The following ETV6 variants were observed in gnomAD, a reference collection of about 807,000 sequenced individuals.
The protein encoded by ETV6 is ETS variant transcription factor 6, also known as transcription factor ETV6.
Under a neutral mutation model 51.1 loss-of-function variants are expected in ETV6, and 16 were observed. That is an observed-to-expected ratio of 0.31 (90% CI 0.21 to 0.48). ETV6 has a LOEUF of 0.48. Among genes scored for constraint, ETV6 ranks in the 20% least tolerant of loss-of-function variants. ETV6 has a pLI of 0.99. For synonymous variants in ETV6, 240 were observed against 224.1 expected (o/e 1.07, Z -0.64); for missense variants, 458 against 594.8 (o/e 0.77, Z 2.39).
At chr12:11,775,389 G>A (rs1945306421) in intron 2 of ETV6, among the ~76,000 whole-genome samples, 1 of 152,210 alleles carries the variant, frequency 6.6e-6, no homozygotes, top group East Asian at 1.9e-4. Flanking sequence ...TTAGTGGCAG[G>A]CCTTGTGATG....
chr12:11,850,285 A>G (rs1367677071), intron 3 of ETV6, among the ~76,000 whole-genome samples: 1 of 152,114 alleles, frequency 6.6e-6, no homozygotes, highest in East Asian at 1.9e-4. Flanking sequence ...AAGCAAGCCC[A>G]TGCAGAAGCC....
chr12:11,717,675 T>C (rs1361128011), intron 1 of ETV6, among the ~76,000 whole-genome samples: 4 of 152,210 alleles, frequency 2.6e-5, no homozygotes, highest in Non-Finnish European at 5.9e-5. Flanking sequence ...GTCATCTGAC[T>C]CATTTTGAAA....
At chr12:11,650,243 A>G (rs1863865762) in intron 1 of ETV6, 83 bp downstream of exon 1, 2 of 1,194,776 alleles carry the variant, frequency 1.7e-6, no homozygotes, top group East Asian at 2.3e-5. Flanking sequence ...TCCTCAGAGC[A>G]GGCTGTTGCA....
chr12:11,882,939 C>T (rs2136588672), intron 5 of ETV6, among the ~76,000 whole-genome samples: 1 of 152,328 alleles, frequency 6.6e-6, no homozygotes, highest in African/African-American at 2.4e-5. Context: ...GAGTGCAAAT[C>T]CTTGTGACCT....
At chr12:11,724,949 G>C (rs904753028) in intron 1 of ETV6, among the ~76,000 whole-genome samples, 2 of 152,140 alleles carry the variant, frequency 1.3e-5, no homozygotes, top group Non-Finnish European at 2.9e-5. Context: ...AGACACATAG[G>C]TCTTATCCTC....
chr12:11,756,711 A>G, intron 2 of ETV6, among the ~76,000 whole-genome samples: 1 of 152,070 alleles, frequency 6.6e-6, no homozygotes, highest in Non-Finnish European at 1.5e-5. Context: ...CCCTTTTTCT[A>G]AACTCATGGG....
At chr12:11,802,563 C>T (rs532224302) in intron 2 of ETV6, among the ~76,000 whole-genome samples, 5 of 152,336 alleles carry the variant, frequency 3.3e-5, no homozygotes, top group Middle Eastern at 3.4e-3. Context: ...CATTGTCAGA[C>T]ATGGTTGACA....
At chr12:11,812,888 G>C (rs965075502) in intron 2 of ETV6, among the ~76,000 whole-genome samples, 1 of 152,202 alleles carries the variant, frequency 6.6e-6, no homozygotes, top group African/African-American at 2.4e-5. Flanking sequence ...TGGAGACCCC[G>C]GCTGGTCTTT....
chr12:11,652,890 T>C (rs1283178453), intron 1 of ETV6, among the ~76,000 whole-genome samples: 1 of 152,182 alleles, frequency 6.6e-6, no homozygotes, highest in Non-Finnish European at 1.5e-5. Context: ...TTTTGCACTG[T>C]GTAAGTTTGC....
At chr12:11,692,955 A>G (rs1002412525) in intron 1 of ETV6, among the ~76,000 whole-genome samples, 3 of 151,996 alleles carry the variant, frequency 2.0e-5, no homozygotes, top group Non-Finnish European at 4.4e-5. Flanking sequence ...TGGGAGAATC[A>G]CCTGAGCCCA....
At chr12:11,874,012 G>A (rs1179080304) in intron 5 of ETV6, among the ~76,000 whole-genome samples, 1 of 111,874 alleles carries the variant, frequency 8.9e-6, no homozygotes, top group African/African-American at 3.5e-5. Context: ...ATAAGGCTCG[G>A]TGTATTTTTT....
chr12:11,726,174 A>G (rs1216095369), intron 1 of ETV6, among the ~76,000 whole-genome samples: 1 of 152,258 alleles, frequency 6.6e-6, no homozygotes. Context: ...GACCAAATGA[A>G]TGGATAACTT....
chr12:11,801,262 CTT>C (rs1016738218), intron 2 of ETV6, among the ~76,000 whole-genome samples: 4 of 152,270 alleles, frequency 2.6e-5, no homozygotes, highest in African/African-American at 9.6e-5. Context: ...ACGAGGCAAA[CTT>C]TTTTAAAGAA....
chr12:11,719,209 A>G (rs1458226104), intron 1 of ETV6, among the ~76,000 whole-genome samples: 4 of 152,236 alleles, frequency 2.6e-5, no homozygotes, highest in African/African-American at 9.6e-5. Flanking sequence ...CATTTGCTCC[A>G]CGCAGGAGGC....
chr12:11,842,203 T>G (rs554134376), intron 3 of ETV6, among the ~76,000 whole-genome samples: 1 of 152,252 alleles, frequency 6.6e-6, no homozygotes, highest in South Asian at 2.1e-4. Flanking sequence ...TCACTCACCA[T>G]GCCTCTCCGG....
At chr12:11,681,884 G>A (rs1864537390) in intron 1 of ETV6, among the ~76,000 whole-genome samples, 1 of 152,146 alleles carries the variant, frequency 6.6e-6, no homozygotes, top group Admixed American at 6.5e-5. Flanking sequence ...CCATGTTCCT[G>A]CAAAGGACAT....
chr12:11,888,295 T>C (rs781475454), intron 7 of ETV6, among the ~76,000 whole-genome samples: 20 of 152,284 alleles, frequency 1.3e-4, no homozygotes, highest in African/African-American at 4.6e-4. Flanking sequence ...AATGAGGCCT[T>C]CTTCAGCTGC....
intron 1 of ETV6, among the ~76,000 whole-genome samples, chr12:11,674,542 T>C (rs1306630940): frequency 6.6e-6 from 1 of 151,962 alleles, no homozygotes; most frequent in East Asian, 1.9e-4. Context: ...ATAGAAACAC[T>C]TTGGCACCTT....
At chr12:11,721,515 G>T (rs2070498585) in intron 1 of ETV6, among the ~76,000 whole-genome samples, 1 of 152,122 alleles carries the variant, frequency 6.6e-6, no homozygotes, top group African/African-American at 2.4e-5. Flanking sequence ...TTATAAGTAG[G>T]AGCTATACAT....
Sources: allele counts gnomAD v4.1 joint callset (sites outside exome capture counted in the v4.1 genomes callset), GRCh38; gene constraint gnomAD v4.1.1; transcripts MANE v1.5; gene names NCBI Gene and HGNC (gene_info 2026-07-23, HGNC 2026-07-21).